Variants in DCAF12 observed in about 807,000 individuals in gnomAD.
DCAF12 encodes DDB1 and CUL4 associated factor 12.
A neutral mutation model predicts 52.8 loss-of-function variants in DCAF12; 28 were observed. That is an observed-to-expected ratio of 0.53 (90% CI 0.39 to 0.73). The LOEUF (loss-of-function observed/expected upper bound fraction) is 0.73. Ranked by LOEUF, DCAF12 falls within the 30% of genes least tolerant of loss-of-function variation. DCAF12 has a pLI of 0.00. For missense variants in DCAF12, 425 were observed against 552.2 expected (o/e 0.77, Z 2.31); for synonymous variants, 196 against 215.5 (o/e 0.91, Z 0.79).
At chr9:34,102,066 T>C (rs1587734699) in intron 4 of DCAF12, among the ~76,000 whole-genome samples, 1 of 148,456 alleles carries the variant, frequency 6.7e-6, no homozygotes, top group Non-Finnish European at 1.5e-5. Context: ...GGTACAGTGG[T>C]ATATGCCTTT....
chr9:34,098,879 G>A (rs1037367611), intron 4 of DCAF12, among the ~76,000 whole-genome samples: 3 of 138,132 alleles, frequency 2.2e-5, no homozygotes, highest in East Asian at 2.3e-4. Context: ...AGCGATTCCC[G>A]TGCCTCACCC....
intron 2 of DCAF12, among the ~76,000 whole-genome samples, chr9:34,114,723 C>T (rs1325581211): frequency 6.6e-6 from 1 of 152,102 alleles, no homozygotes; most frequent in Admixed American, 6.6e-5. Context: ...GGGAAAGAGA[C>T]ATGTAAGACT....
At chr9:34,099,104 A>G (rs1426265424) in intron 4 of DCAF12, among the ~76,000 whole-genome samples, 728 of 117,090 alleles carry the variant, frequency 6.2e-3, no homozygotes, top group Middle Eastern at 0.04. Context: ...GTCTCGCTCT[A>G]TCACCCAGGC....
At chr9:34,105,572 A>AGAGCTCAAG (rs1296412168) in intron 4 of DCAF12, among the ~76,000 whole-genome samples, 1 of 151,804 alleles carries the variant, frequency 6.6e-6, no homozygotes. Context: ...CTTGAGCCCA[A>AGAGCTCAAG]GAGCTCAAGG....
rs114013473 is a variant in DCAF12 at position 34,089,737 on chromosome 9, A to C, written c.1025-147T>G. ...CAAAGTATCAGACAGTGTTTTCCCA[A>C]TGGCAAGTTAGCTCATGCAAAAGCA... On this transcript the variant is annotated intron_variant, in intron 7 of 8. Transcript: ENST00000361264. The C allele has an allele frequency of 1.8e-3, 1,202 of 679,400 alleles. 9 individuals carry two copies. In the African/African-American group the frequency reaches 0.02, roughly 11 times the overall value. 42.1% of individuals were successfully genotyped at this position (679,400 alleles called of 1,614,324 possible). A position where few individuals can be genotyped will look rare whatever the true frequency, so the allele number is the denominator to read the frequency against.
chr9:34,115,592 C>A (rs369808092), intron 2 of DCAF12, among the ~76,000 whole-genome samples: 3 of 142,952 alleles, frequency 2.1e-5, no homozygotes, highest in Non-Finnish European at 4.7e-5. Context: ...AGCAAGACTT[C>A]GTCTCAAAAA....
intron 2 of DCAF12, among the ~76,000 whole-genome samples, chr9:34,116,342 C>T (rs140412096): frequency 1.9e-3 from 286 of 151,130 alleles, no homozygotes; most frequent in Middle Eastern, 3.5e-3. Context: ...AGAGAGAGTC[C>T]GTCTCAAAAA....
intron 4 of DCAF12, among the ~76,000 whole-genome samples, chr9:34,104,768 T>C (rs1828878798): frequency 6.6e-6 from 1 of 151,106 alleles, no homozygotes; most frequent in Non-Finnish European, 1.5e-5. Context: ...AATACAAAAA[T>C]TAGCCAGGCG....
chr9:34,101,164 T>A (rs1027583067), intron 4 of DCAF12, among the ~76,000 whole-genome samples: 2 of 150,712 alleles, frequency 1.3e-5, no homozygotes. Flanking sequence ...CTCAACCTCC[T>A]GGGCTTCAGC....
At chr9:34,126,290 C>T in intron 1 of DCAF12, 64 bp downstream of exon 1, 10 of 1,582,838 alleles carry the variant, frequency 6.3e-6, no homozygotes, top group Non-Finnish European at 8.6e-6. Flanking sequence ...GCAGGATCTG[C>T]GGACCCTAAG....
At chr9:34,105,501 C>T (rs1235412023) in intron 4 of DCAF12, among the ~76,000 whole-genome samples, 1 of 151,936 alleles carries the variant, frequency 6.6e-6, no homozygotes, top group Non-Finnish European at 1.5e-5. Context: ...TTATTACTAG[C>T]TGGGTGTGAA....
At chr9:34,120,570 C>A (rs1375783448) in intron 2 of DCAF12, among the ~76,000 whole-genome samples, 1 of 150,466 alleles carries the variant, frequency 6.6e-6, no homozygotes, top group East Asian at 2.0e-4. Context: ...AGTCGGGGGG[C>A]TGAGGCACAA....
chr9:34,108,638 T>C (rs1221724327), intron 2 of DCAF12, among the ~76,000 whole-genome samples: 1 of 151,434 alleles, frequency 6.6e-6, no homozygotes, highest in Non-Finnish European at 1.5e-5. Context: ...CTTACAAAAT[T>C]AGCTGGGCAT....
chr9:34,119,020 A>G (rs1829132006), intron 2 of DCAF12, among the ~76,000 whole-genome samples: 1 of 152,124 alleles, frequency 6.6e-6, no homozygotes, highest in Admixed American at 6.6e-5. Context: ...TTACTTCCTA[A>G]GTATAACAGC....
chr9:34,094,506 T>A (rs948486823), intron 6 of DCAF12, among the ~76,000 whole-genome samples: 1 of 152,002 alleles, frequency 6.6e-6, no homozygotes, highest in Non-Finnish European at 1.5e-5. Context: ...TGACTACAAA[T>A]GTTTTGAATT....
At position 34,088,059 on chromosome 9, in the gene DCAF12, G is replaced by A. The variant is rs1469960922; in HGVS notation, c.*291C>T. On this transcript the variant is annotated 3_prime_UTR_variant, in exon 9 of 9. Coordinates refer to ENST00000361264, the MANE Select transcript of DCAF12 (RefSeq NM_015397.4). ...TTCAGCCTGAAGAAGCCAGAGACAG[G>A]AGAATGTGTGTCACTTAAAGAAAAA... 10 of 219,764 alleles carry A rather than the reference G, an allele frequency of 4.6e-5. No individual in the cohort carries two copies. The highest frequency in any genetic ancestry group is 6.9e-5 in the African/African-American group (3 of 43,280). The allele number at this position is 219,764 out of a possible 1,614,324, so 13.6% of individuals were successfully genotyped here. A position where few individuals can be genotyped will look rare whatever the true frequency, so the allele number is the denominator to read the frequency against.
At chr9:34,113,845 A>AT (rs956416196) in intron 2 of DCAF12, among the ~76,000 whole-genome samples, 5 of 152,010 alleles carry the variant, frequency 3.3e-5, no homozygotes, top group African/African-American at 1.2e-4. Flanking sequence ...GCAGTGGCTC[A>AT]TGCCTGTAAT....
intron 4 of DCAF12, among the ~76,000 whole-genome samples, chr9:34,099,646 T>C (rs1232868403): frequency 2.6e-5 from 4 of 151,840 alleles, no homozygotes; most frequent in Non-Finnish European, 5.9e-5. Flanking sequence ...CAGGCTGGAG[T>C]GCAATGGCAT....
chr9:34,112,034 T>G (rs1314726126), intron 2 of DCAF12, among the ~76,000 whole-genome samples: 3 of 151,208 alleles, frequency 2.0e-5, no homozygotes, highest in African/African-American at 7.3e-5. Flanking sequence ...TCCCAGCTAC[T>G]CGGGAGGCTG....
Sources: allele counts gnomAD v4.1 joint callset (sites outside exome capture counted in the v4.1 genomes callset), GRCh38; gene constraint gnomAD v4.1.1; transcripts MANE v1.5; gene names NCBI Gene and HGNC (gene_info 2026-07-23, HGNC 2026-07-21).